Variants in ERI1 observed in about 807,000 individuals in gnomAD.
The protein encoded by ERI1 is 3'-5' exoribonuclease 1.
ERI1 carries 39 observed loss-of-function variants against 39.7 expected under a neutral mutation model. The observed-to-expected ratio is 0.98, with a 90% CI of 0.76 to 1.28. ERI1 has a LOEUF of 1.28. Ranked by LOEUF, ERI1 falls within the 50% of genes most tolerant of loss-of-function variation. ERI1 has a pLI of 0.00. For missense variants in ERI1, 581 were observed against 416.9 expected (o/e 1.39, Z -3.43); for synonymous variants, 204 against 149.6 (o/e 1.36, Z -2.65).
chr8:9,080,161 T>C (rs958018635), intron 3 of ERI1, among the ~76,000 whole-genome samples: 6 of 152,180 alleles, frequency 3.9e-5, no homozygotes, highest in Non-Finnish European at 7.4e-5. Context: ...TTACAGCGAC[T>C]TGTGGTAATA....
intron 3 of ERI1, among the ~76,000 whole-genome samples, chr8:9,090,232 T>C (rs1008720982): frequency 5.9e-5 from 9 of 151,900 alleles, no homozygotes; most frequent in African/African-American, 2.2e-4. Flanking sequence ...TGATATGCTG[T>C]GAGAGAGGAA....
At chr8:9,050,000 A>G (rs1372265983) in intron 3 of ERI1, 2 of 152,198 alleles carry the variant, frequency 1.3e-5, no homozygotes, top group South Asian at 2.1e-4. Context: ...CGTCCTCCCC[A>G]TCATACAGGA....
chr8:9,056,351 T>C (rs753591019), intron 3 of ERI1, among the ~76,000 whole-genome samples: 2 of 152,236 alleles, frequency 1.3e-5, no homozygotes, highest in Admixed American at 6.5e-5. Context: ...GGTAAGGGGT[T>C]ATACAGCATC....
chr8:9,092,122 A>C (rs1799726631), intron 3 of ERI1, among the ~76,000 whole-genome samples: 1 of 152,044 alleles, frequency 6.6e-6, no homozygotes, highest in African/African-American at 2.4e-5. Context: ...ACACCTGGCT[A>C]ATTTTTGTAG....
intron 5 of ERI1, among the ~76,000 whole-genome samples, chr8:9,018,734 C>T (rs1219678124): frequency 2.6e-5 from 4 of 152,104 alleles, no homozygotes; most frequent in African/African-American, 9.7e-5. Context: ...CCTCTCATCC[C>T]ACGCTACCTG....
At chr8:9,084,698 T>A (rs1159676641) in intron 3 of ERI1, among the ~76,000 whole-genome samples, 1 of 152,160 alleles carries the variant, frequency 6.6e-6, no homozygotes, top group African/African-American at 2.4e-5. Context: ...AAAATATTCC[T>A]CCCTCTTTTT....
At position 9,033,105 on chromosome 8, in the gene ERI1, A is replaced by G. The variant is rs1797703992; in HGVS notation, c.*3071A>G. 6.6e-6 allele frequency: 1 copy of G among 152,142 alleles called. No homozygotes were observed. Among genetic ancestry groups the G allele is most frequent in the Admixed American group, 6.6e-5 (1 of 15,264 alleles). 9.4% of individuals were successfully genotyped at this position (152,142 alleles called of 1,614,324 possible). ...AATTTCCTCTTTGTTCTGCACCACC[A>G]ACCTGTATATCAAGCCTCCTTGCCC... On this transcript the variant is annotated 3_prime_UTR_variant, in exon 7 of 7. Coordinates refer to ENST00000250263, the MANE Select transcript of ERI1 (RefSeq NM_153332.4).
intron 6 of ERI1, 134 bp from the exon 7 acceptor site, chr8:9,029,658 G>A: frequency 1.9e-6 from 2 of 1,044,422 alleles, no homozygotes; most frequent in South Asian, 1.6e-5. Context: ...TTATTTGAGT[G>A]GGGGTATTGC....
intron 3 of ERI1, among the ~76,000 whole-genome samples, chr8:9,056,614 C>T (rs2953806): frequency 0.44 from 67,144 of 151,988 alleles, 16,415 homozygotes; most frequent in East Asian, 0.73. Flanking sequence ...AATAACTTCG[C>T]GAAGGGCTCG....
chr8:9,009,150 C>T (rs904245148), intron 2 of ERI1: 11 of 451,322 alleles, frequency 2.4e-5, no homozygotes, highest in African/African-American at 1.0e-4. Flanking sequence ...TATGTTTATA[C>T]GTTTATTCAA....
At chr8:9,025,984 A>G (rs1818433778) in intron 6 of ERI1, among the ~76,000 whole-genome samples, 1 of 152,262 alleles carries the variant, frequency 6.6e-6, no homozygotes, top group Admixed American at 6.5e-5. Flanking sequence ...TAGAAAGCAG[A>G]ACTGTCACTG....
At chr8:9,004,613 G>A (rs1354323588) in intron 1 of ERI1, among the ~76,000 whole-genome samples, 1 of 150,058 alleles carries the variant, frequency 6.7e-6, no homozygotes, top group Non-Finnish European at 1.5e-5. Context: ...GCAGTGAGCT[G>A]TGATCGTGCC....
intron 3 of ERI1, among the ~76,000 whole-genome samples, chr8:9,046,496 G>A (rs575517316): frequency 5.3e-5 from 8 of 152,238 alleles, no homozygotes; most frequent in South Asian, 2.1e-4. Context: ...TCCCCTCTCC[G>A]GCTAAGGACA....
At chr8:9,069,299 G>T (rs1798978439) in intron 3 of ERI1, among the ~76,000 whole-genome samples, 2 of 152,146 alleles carry the variant, frequency 1.3e-5, no homozygotes, top group African/African-American at 4.8e-5. Flanking sequence ...TAAAATCCTT[G>T]TTAATATGAT....
chr8:9,018,710 C>T (rs2117240607), intron 5 of ERI1, among the ~76,000 whole-genome samples: 1 of 152,320 alleles, frequency 6.6e-6, no homozygotes, highest in East Asian at 1.9e-4. Flanking sequence ...TGAGCTTGGC[C>T]TTGAAGCCTC....
At chr8:9,054,856 G>T (rs1798457597) in intron 3 of ERI1, among the ~76,000 whole-genome samples, 1 of 152,216 alleles carries the variant, frequency 6.6e-6, no homozygotes, top group South Asian at 2.1e-4. Context: ...TGAACCCAGG[G>T]TGTCAAGGCT....
chr8:9,009,011 C>G (rs1294815805), intron 2 of ERI1: 2 of 455,990 alleles, frequency 4.4e-6, no homozygotes, highest in African/African-American at 4.0e-5. Context: ...TCCTATTTCC[C>G]CGATTCTTTC....
chr8:9,011,433 C>A, intron 2 of ERI1, 109 bp from the exon 3 acceptor site: 1 of 585,086 alleles, frequency 1.7e-6, no homozygotes, highest in Non-Finnish European at 2.8e-6. Context: ...CTAGCATTTG[C>A]TAAATTTCGC....
chr8:9,065,631 C>G (rs1233770771), intron 3 of ERI1, among the ~76,000 whole-genome samples: 5 of 145,008 alleles, frequency 3.4e-5, no homozygotes, highest in Admixed American at 7.2e-5. Flanking sequence ...GGAGGCGGAG[C>G]TTGCAGTGAG....
Sources: allele counts gnomAD v4.1 joint callset (sites outside exome capture counted in the v4.1 genomes callset), GRCh38; gene constraint gnomAD v4.1.1; transcripts MANE v1.5; gene names NCBI Gene and HGNC (gene_info 2026-07-23, HGNC 2026-07-21).